Variants in ZNF804A observed in about 807,000 individuals in gnomAD.
ZNF804A encodes zinc finger protein 804A.
In ZNF804A, 2 loss-of-function variants were observed where a neutral mutation model predicts 16.5. That is an observed-to-expected ratio of 0.12 (90% CI 0.05 to 0.38). The LOEUF (loss-of-function observed/expected upper bound fraction) is 0.38, where lower values mean the gene tolerates loss of function less well. ZNF804A is among the 10% of genes least tolerant of loss of function. The pLI is 0.99. For synonymous variants in ZNF804A, 534 were observed against 489.6 expected, an observed-to-expected ratio of 1.09 and a Z score of -1.20; for missense variants, 1,473 against 1,390.7, an observed-to-expected ratio of 1.06 and a Z score of -0.94.
chr2:184,785,715 T>C (rs1340203155), intron 1 of ZNF804A, among the ~76,000 whole-genome samples: 1 of 152,044 alleles, frequency 6.6e-6, no homozygotes, highest in Non-Finnish European at 1.5e-5. Flanking sequence ...TGTATGCATA[T>C]ACAAGAACAT....
At chr2:184,673,774 C>T (rs547033360) in intron 1 of ZNF804A, among the ~76,000 whole-genome samples, 37 of 152,144 alleles carry the variant, frequency 2.4e-4, no homozygotes, top group Non-Finnish European at 4.4e-4. Flanking sequence ...TGTGGTAGCA[C>T]CACAATTTGT....
intron 2 of ZNF804A, among the ~76,000 whole-genome samples, chr2:184,869,578 T>C (rs1384700491): frequency 6.6e-6 from 1 of 152,008 alleles, no homozygotes; most frequent in East Asian, 1.9e-4. Flanking sequence ...ACATGGAAAA[T>C]AGTAAAAGCT....
intron 1 of ZNF804A, among the ~76,000 whole-genome samples, chr2:184,736,530 A>G (rs1029735911): frequency 6.6e-6 from 1 of 152,064 alleles, no homozygotes; most frequent in Non-Finnish European, 1.5e-5. Flanking sequence ...TGGGAGTTCA[A>G]CGATGGGAAC....
chr2:184,895,039 GTACTT>G (rs1242689293), intron 2 of ZNF804A, among the ~76,000 whole-genome samples: 2 of 152,094 alleles, frequency 1.3e-5, no homozygotes, highest in Admixed American at 6.5e-5. Context: ...TTCAAATGAA[GTACTT>G]TACATCAGGT....
At chr2:184,699,850 A>C (rs900157689) in intron 1 of ZNF804A, among the ~76,000 whole-genome samples, 2 of 152,062 alleles carry the variant, frequency 1.3e-5, no homozygotes, top group African/African-American at 4.8e-5. Context: ...AGATGAAAAC[A>C]CTGGAGTTGG....
chr2:184,650,167 A>G (rs1314742815), intron 1 of ZNF804A, among the ~76,000 whole-genome samples: 2 of 152,184 alleles, frequency 1.3e-5, no homozygotes, highest in South Asian at 2.1e-4. Flanking sequence ...ACACAAATCA[A>G]TAAATGTGAC....
At chr2:184,921,673 A>G (rs1196158261) in intron 2 of ZNF804A, among the ~76,000 whole-genome samples, 1 of 152,016 alleles carries the variant, frequency 6.6e-6, no homozygotes, top group Non-Finnish European at 1.5e-5. Flanking sequence ...CAATTAAATT[A>G]TTTTTCTGCT....
chr2:184,657,970 C>T (rs967876558), intron 1 of ZNF804A, among the ~76,000 whole-genome samples: 1 of 152,280 alleles, frequency 6.6e-6, no homozygotes, highest in South Asian at 2.1e-4. Context: ...TTTGTTCCTG[C>T]TCAATACGAT....
chr2:184,750,094 C>G (rs1439937364), intron 1 of ZNF804A, among the ~76,000 whole-genome samples: 4 of 151,126 alleles, frequency 2.6e-5, no homozygotes, highest in Non-Finnish European at 5.9e-5. Context: ...GTTGTTCTTT[C>G]TTTGTACTAA....
At chr2:184,923,488 G>A (rs746914976) in intron 2 of ZNF804A, among the ~76,000 whole-genome samples, 16 of 151,462 alleles carry the variant, frequency 1.1e-4, no homozygotes, top group Non-Finnish European at 1.5e-4. Context: ...TATATCATCT[G>A]GAACAAAGAT....
At chr2:184,744,162 G>C (rs1042832892) in intron 1 of ZNF804A, among the ~76,000 whole-genome samples, 6 of 151,760 alleles carry the variant, frequency 4.0e-5, no homozygotes, top group Non-Finnish European at 8.8e-5. Context: ...CTAGGTAAAT[G>C]CCTTTACTTT....
At chr2:184,605,555 CT>C (rs1001683817) in intron 1 of ZNF804A, among the ~76,000 whole-genome samples, 2 of 151,898 alleles carry the variant, frequency 1.3e-5, no homozygotes, top group Non-Finnish European at 2.9e-5. Context: ...CTTGTACAAA[CT>C]TTTTTTTCTT....
At chr2:184,776,525 A>G (rs1294832810) in intron 1 of ZNF804A, among the ~76,000 whole-genome samples, 1 of 151,058 alleles carries the variant, frequency 6.6e-6, no homozygotes, top group Non-Finnish European at 1.5e-5. Context: ...AGTACTTCGG[A>G]ATGTGTAATT....
intron 1 of ZNF804A, among the ~76,000 whole-genome samples, chr2:184,613,796 A>C (rs1480261797): frequency 6.6e-6 from 1 of 152,174 alleles, no homozygotes; most frequent in Non-Finnish European, 1.5e-5. Context: ...GACACAAACA[A>C]ATGGAAAAAT....
At chr2:184,634,044 G>A (rs1691655563) in intron 1 of ZNF804A, among the ~76,000 whole-genome samples, 1 of 152,090 alleles carries the variant, frequency 6.6e-6, no homozygotes, top group Non-Finnish European at 1.5e-5. Context: ...GTGGCTGATA[G>A]TTAAATGGAC....
chr2:184,645,156 G>A (rs1343983680), intron 1 of ZNF804A, among the ~76,000 whole-genome samples: 1 of 151,968 alleles, frequency 6.6e-6, no homozygotes, highest in Non-Finnish European at 1.5e-5. Flanking sequence ...TAAAATTAAT[G>A]ATGAGAAGTA....
intron 1 of ZNF804A, among the ~76,000 whole-genome samples, chr2:184,747,127 A>T (rs1183138251): frequency 2.0e-5 from 3 of 151,174 alleles, no homozygotes; most frequent in Admixed American, 1.3e-4. Flanking sequence ...ATTAGTAAAA[A>T]GTTTAGTTAT....
intron 1 of ZNF804A, among the ~76,000 whole-genome samples, chr2:184,750,776 T>C (rs559609154): frequency 6.6e-6 from 1 of 151,558 alleles, no homozygotes; most frequent in East Asian, 1.9e-4. Context: ...CCTCTAGGAA[T>C]TATACATCTT....
intron 1 of ZNF804A, among the ~76,000 whole-genome samples, chr2:184,661,878 A>G (rs1022766931): frequency 1.3e-5 from 2 of 151,814 alleles, no homozygotes; most frequent in Non-Finnish European, 2.9e-5. Flanking sequence ...ACATTTTTAA[A>G]CTCCAGTTTC....
Sources: allele counts gnomAD v4.1 joint callset (sites outside exome capture counted in the v4.1 genomes callset), GRCh38; gene constraint gnomAD v4.1.1; transcripts MANE v1.5; gene names NCBI Gene and HGNC (gene_info 2026-07-23, HGNC 2026-07-21).